Variants in STATH observed in about 807,000 individuals in gnomAD.
STATH encodes the protein statherin.
Under a neutral mutation model 13.3 loss-of-function variants are expected in STATH, and 11 were observed. The observed-to-expected ratio is 0.83, with a 90% CI of 0.52 to 1.37. The LOEUF is 1.37. Ranked by LOEUF, STATH falls within the 40% of genes most tolerant of loss-of-function variation. The probability of loss-of-function intolerance (pLI) is 0.00; values close to 1 mark genes in which losing one functional copy is unlikely to be tolerated. For synonymous variants in STATH, 25 were observed against 23.6 expected, an observed-to-expected ratio of 1.06 and a Z score of -0.17; for missense variants, 78 against 73.3, an observed-to-expected ratio of 1.06 and a Z score of -0.24.
chr4:70,001,797 T>G (rs1422757663), intron 5 of STATH, among the ~76,000 whole-genome samples: 1 of 151,758 alleles, frequency 6.6e-6, no homozygotes, highest in African/African-American at 2.4e-5. Flanking sequence ...AATTCTCTAT[T>G]GCCATTAGTG....
At chr4:69,999,996 T>G (rs1578161232) in intron 4 of STATH, 187 bp downstream of exon 4, 1 of 672,554 alleles carries the variant, frequency 1.5e-6, no homozygotes, top group East Asian at 2.8e-5. Flanking sequence ...ACATTTAAGT[T>G]GAAACTCATA....
At chr4:69,997,006 C>T (rs992678669) in intron 1 of STATH, among the ~76,000 whole-genome samples, 27 of 148,094 alleles carry the variant, frequency 1.8e-4, no homozygotes, top group Admixed American at 5.5e-4. Flanking sequence ...GGTGCAATCT[C>T]GGCTCACCGC....
intron 5 of STATH, among the ~76,000 whole-genome samples, 167 bp downstream of exon 5, chr4:70,001,149 G>T (rs530899945): frequency 7.8e-6 from 1 of 128,886 alleles, no homozygotes; most frequent in African/African-American, 2.9e-5. Flanking sequence ...TTCTGAGATA[G>T]TCTCTGTCCT....
Position 69,999,789 on chromosome 4 carries a change from C to A in STATH, c.82C>A (p.Arg28Ser), listed in dbSNP as rs750868144. 2 of 1,611,894 alleles carry A rather than the reference C, an allele frequency of 1.2e-6. No individual in the cohort carries two copies. The highest frequency in any genetic ancestry group is 3.3e-5 in the Admixed American group (2 of 59,814). The change falls in exon 4 of 6, where the codon CGT becomes AGT. Residue 28 changes from arginine (R) to serine (S), a missense_variant. Transcript: ENST00000246895. ...TCTTCATTTTTCACAGAAATTTTTG[C>A]GTAGAATTGGAAGATTCGGTGTAAG... ...GADSSEEKFL[R>S]RIGRFGYGYG...
chr4:70,000,495 T>C lies in STATH; in HGVS notation c.103-368T>C, dbSNP rs186395315. On this transcript the variant is annotated intron_variant, in intron 4 of 5. Transcript: ENST00000246895. ...AAGAGTGACTTGAAGAAACACCACATAAGCTGAATTTAGTAAATGTCTCCT... is the reference window on the plus strand; with the variant it reads ...AAGAGTGACTTGAAGAAACACCACACAAGCTGAATTTAGTAAATGTCTCCT... 23 of 186,774 alleles carry C rather than the reference T, an allele frequency of 1.2e-4. No homozygotes were observed. In the East Asian group the frequency reaches 3.0e-3, roughly 24 times the overall value. 11.6% of individuals were successfully genotyped at this position (186,774 alleles called of 1,614,324 possible).
At chr4:70,000,817 A>T (rs1012870021) in intron 4 of STATH, 46 bp from the exon 5 acceptor site, 4 of 1,434,346 alleles carry the variant, frequency 2.8e-6, no homozygotes, top group Admixed American at 3.4e-5. Context: ...TTGCACTGTC[A>T]TTATCTCAAT....
Position 70,000,910 on chromosome 4 carries a change from A to T in STATH, c.150A>T (p.Pro50=). The T allele has an allele frequency of 6.2e-7, 1 of 1,612,276 alleles. No homozygotes were observed. The highest frequency in any genetic ancestry group is 8.5e-7 in the Non-Finnish European group (1 of 1,178,648). ...YQPVPEQPLY[P]QPYQPQYQQY... ...CAGTTCCAGAACAACCACTATACCC[A>T]CAACCATACCAACCACAATACCAAC... The change falls in exon 5 of 6, where the codon CCA becomes CCT. Residue 50 remains proline (P), a synonymous_variant. Transcript: ENST00000246895.
intron 1 of STATH, among the ~76,000 whole-genome samples, chr4:69,997,981 A>C (rs547525696): frequency 1.3e-4 from 19 of 151,976 alleles, no homozygotes; most frequent in Middle Eastern, 3.2e-3. Context: ...TCTTCCCTAC[A>C]TTTTGAACTG....
Position 69,998,505 on chromosome 4 carries a change from A to G in STATH, c.51+17A>G. On this transcript the variant is annotated intron_variant, in intron 2 of 5. Transcript: ENST00000246895. ...TCCATGATTGTAAGTATATCAGGAC[A>G]TTTGAAGAATATGTTCTCAGTACCT... 4 of 1,607,120 alleles carry G rather than the reference A, an allele frequency of 2.5e-6. No homozygotes were observed. The highest frequency in any genetic ancestry group is 3.4e-6 in the Non-Finnish European group (4 of 1,174,910).
In STATH at chr4:69,999,674, A is replaced by G. The variant is rs1344933773; in HGVS notation, c.59A>G (p.Asp20Gly). 6.2e-7 allele frequency: 1 copy of G among 1,610,792 alleles called. No individual in the cohort carries two copies. Among genetic ancestry groups the G allele is most frequent in the African/African-American group, 1.3e-5 (1 of 74,782 alleles). Residue 20 changes from aspartate to glycine, a missense_variant, in exon 3 of 6, where the codon GAT becomes GGT. Asp to Gly is a moderately conservative substitution (Grantham distance 94). Transcript: ENST00000246895. The part of the protein sequence containing the change: ...LALMVSMIGA[D>G]SSEEKFLRRI... ...AATTTTCTGTTTTCTAAGGGAGCTG[A>G]TTCATCTGAAGAGGTGAGTCATTTT...
intron 1 of STATH, 165 bp from the exon 2 acceptor site, chr4:69,998,258 T>G: frequency 1.8e-6 from 1 of 568,960 alleles, no homozygotes; most frequent in Non-Finnish European, 3.2e-6. Context: ...TACTTATCAG[T>G]GTCTCCAACA....
chr4:69,998,146 T>C (rs190293913), intron 1 of STATH, among the ~76,000 whole-genome samples: 3 of 152,280 alleles, frequency 2.0e-5, no homozygotes, highest in Non-Finnish European at 4.4e-5. Flanking sequence ...CAAGCTTTAC[T>C]TTCTTCTTTA....
At chr4:69,999,855 C>A in intron 4 of STATH, 46 bp downstream of exon 4, 1 of 1,594,230 alleles carries the variant, frequency 6.3e-7, no homozygotes, top group Non-Finnish European at 8.6e-7. Flanking sequence ...AAATTGTGTT[C>A]TCTGATTACT....
At chr4:69,999,542 G>A in intron 2 of STATH, 125 bp from the exon 3 acceptor site, 1 of 844,110 alleles carries the variant, frequency 1.2e-6, no homozygotes, top group Non-Finnish European at 1.9e-6. Context: ...AACTAATTTA[G>A]TGTCTATCGA....
intron 5 of STATH, among the ~76,000 whole-genome samples, chr4:70,001,801 A>C (rs989040547): frequency 1.3e-5 from 2 of 151,772 alleles, no homozygotes; most frequent in Non-Finnish European, 3.0e-5. Flanking sequence ...CTCTATTGCC[A>C]TTAGTGATAC....
intron 5 of STATH, among the ~76,000 whole-genome samples, chr4:70,001,567 G>C (rs1048850514): frequency 6.6e-5 from 10 of 151,714 alleles, no homozygotes; most frequent in Admixed American, 5.9e-4. Flanking sequence ...TTAACATAAT[G>C]CTAACAAGAA....
rs1433246226 is a variant in STATH at position 69,999,798 on chromosome 4, G to A, written c.91G>A (p.Gly31Arg). The A allele has an allele frequency of 1.2e-6, 2 of 1,611,876 alleles. No homozygotes were observed. The highest frequency in any genetic ancestry group is 1.7e-6 in the Non-Finnish European group (2 of 1,178,886). Residue 31 changes from glycine (G) to arginine (R), a missense_variant, in exon 4 of 6, where the codon GGA (glycine) becomes AGA (arginine). By Grantham distance (125) the Gly-to-Arg change is moderately radical (BLOSUM62 -2). Transcript: ENST00000246895. Reference sequence around the variant, plus strand: ...TTCACAGAAATTTTTGCGTAGAATTGGAAGATTCGGTGTAAGTGTTCTCTG... The same window carrying A: ...TTCACAGAAATTTTTGCGTAGAATTAGAAGATTCGGTGTAAGTGTTCTCTG... ...SSEEKFLRRI[G>R]RFGYGYGPYQ...
chr4:69,999,908 A>T, intron 4 of STATH, 99 bp downstream of exon 4: 1 of 1,343,454 alleles, frequency 7.4e-7, no homozygotes, highest in Non-Finnish European at 1.0e-6. Context: ...AAATATGTGT[A>T]GTAGTTGCAA....
chr4:70,001,359 A>G (rs1207672925), intron 5 of STATH, among the ~76,000 whole-genome samples: 1 of 151,786 alleles, frequency 6.6e-6, no homozygotes, highest in Non-Finnish European at 1.5e-5. Context: ...ATCACATAAA[A>G]TCTCTTGATC....
Sources: gnomAD v4.1 joint callset for allele counts (sites outside exome capture counted in the v4.1 genomes callset) on GRCh38, gnomAD v4.1.1 for gene constraint, MANE v1.5 for transcripts, NCBI Gene and HGNC (gene_info 2026-07-23, HGNC 2026-07-21) for gene names.